Variants in CLEC19A observed in about 807,000 individuals in gnomAD.
The protein encoded by CLEC19A is C-type lectin domain containing 19A.
A neutral mutation model predicts 26.1 loss-of-function variants in CLEC19A; 21 were observed. That is an observed-to-expected ratio of 0.80 (90% CI 0.57 to 1.16). The LOEUF is 1.16. Ranked by LOEUF, CLEC19A falls within the 50% of genes most tolerant of loss-of-function variation. CLEC19A has a pLI of 0.00. For missense variants in CLEC19A, 224 were observed against 227.6 expected (o/e 0.98, Z 0.10); for synonymous variants, 89 against 88.6 (o/e 1.00, Z -0.03).
chr16:19,307,656 A>C lies in CLEC19A; in HGVS notation c.460A>C (p.Ile154Leu). 1 of 1,548,278 alleles carries C rather than the reference A, an allele frequency of 6.5e-7. No individual in the cohort carries two copies. The highest frequency in any genetic ancestry group is 8.7e-7 in the Non-Finnish European group (1 of 1,146,790). ...ADPEEEDCVQ[I>L]WYRPTSALRS... ...CCCAGAAGAAGAGGACTGCGTGCAG[A>C]TATGGTACAGGCCTACCAGTGGTGG... Residue 154 changes from isoleucine to leucine, a missense_variant, in exon 4 of 5, where the codon ATA becomes CTA. Transcript: ENST00000636231.
At position 19,309,017 on chromosome 16, in the gene CLEC19A, G is replaced by T; in HGVS notation, c.495G>T (p.Trp165Cys). 6.5e-7 allele frequency: 1 copy of T among 1,548,352 alleles called. No individual in the cohort carries two copies. The highest frequency in any genetic ancestry group is 2.4e-5 in the East Asian group (1 of 40,920). The change falls in exon 5 of 5, where the codon TGG becomes TGT. Residue 165 changes from tryptophan to cysteine, a missense_variant. By Grantham distance (215) the Trp-to-Cys change is radical. Transcript: ENST00000636231. ...TTTCCATCACAGCTCTGAGGTCATGGAATGATAACACCTGCAGCCGGAAGT... is the reference window on the plus strand; with the variant it reads ...TTTCCATCACAGCTCTGAGGTCATGTAATGATAACACCTGCAGCCGGAAGT... ...WYRPTSALRS[W>C]NDNTCSRKFP...
At chr16:19,289,740 G>T (rs1316155725) in intron 1 of CLEC19A, among the ~76,000 whole-genome samples, 3 of 152,208 alleles carry the variant, frequency 2.0e-5, no homozygotes, top group East Asian at 1.9e-4. Flanking sequence ...CTCAGGAGTG[G>T]CTCACAGAAG....
At chr16:19,292,001 G>C (rs1296974636) in intron 1 of CLEC19A, among the ~76,000 whole-genome samples, 1 of 152,204 alleles carries the variant, frequency 6.6e-6, no homozygotes, top group East Asian at 1.9e-4. Flanking sequence ...TCCACTCTGG[G>C]AGGAGCAGAC....
At chr16:19,298,106 C>A (rs180935649) in intron 1 of CLEC19A, among the ~76,000 whole-genome samples, 1 of 151,768 alleles carries the variant, frequency 6.6e-6, no homozygotes, top group Non-Finnish European at 1.5e-5. Flanking sequence ...CAAAATTAAC[C>A]GGGCACGTGC....
intron 2 of CLEC19A, among the ~76,000 whole-genome samples, chr16:19,300,684 G>T (rs1897801660): frequency 6.6e-6 from 1 of 152,192 alleles, no homozygotes; most frequent in African/African-American, 2.4e-5. Flanking sequence ...TATTGAGACA[G>T]TCAGGGTCCA....
At chr16:19,292,467 G>C (rs1223938210) in intron 1 of CLEC19A, among the ~76,000 whole-genome samples, 1 of 152,232 alleles carries the variant, frequency 6.6e-6, no homozygotes, top group Non-Finnish European at 1.5e-5. Context: ...AAAGGCATGA[G>C]TTATGCACAC....
chr16:19,286,699 G>C (rs1271743561), intron 1 of CLEC19A, among the ~76,000 whole-genome samples: 1 of 152,174 alleles, frequency 6.6e-6, no homozygotes, highest in Non-Finnish European at 1.5e-5. Context: ...ACCTCTACCA[G>C]GTTCTTTCCA....
At chr16:19,303,097 A>G (rs1226155658) in intron 2 of CLEC19A, among the ~76,000 whole-genome samples, 1 of 152,236 alleles carries the variant, frequency 6.6e-6, no homozygotes, top group Admixed American at 6.5e-5. Flanking sequence ...ATAGACAACC[A>G]GTAGTATCTG....
chr16:19,302,720 C>T (rs1422068707), intron 2 of CLEC19A, among the ~76,000 whole-genome samples: 1 of 152,190 alleles, frequency 6.6e-6, no homozygotes, highest in African/African-American at 2.4e-5. Flanking sequence ...TGTCACATCC[C>T]TTGCCCATTC....
chr16:19,297,297 C>T (rs1897724497), intron 1 of CLEC19A, among the ~76,000 whole-genome samples: 1 of 152,140 alleles, frequency 6.6e-6, no homozygotes, highest in South Asian at 2.1e-4. Context: ...CCAGATAGTC[C>T]AGCATTGCAA....
chr16:19,309,274 G>T lies in CLEC19A; in HGVS notation c.*191G>T. 5 of 499,780 alleles carry T rather than the reference G, an allele frequency of 1.0e-5. No individual in the cohort carries two copies. The highest frequency in any genetic ancestry group is 1.4e-5 in the Non-Finnish European group (4 of 284,910). 31.0% of individuals were successfully genotyped at this position (499,780 alleles called of 1,614,324 possible). A position where few individuals can be genotyped will look rare whatever the true frequency, so the allele number is the denominator to read the frequency against. On this transcript the variant is annotated 3_prime_UTR_variant, in exon 5 of 5. Transcript: ENST00000636231. ...AGTGTCAGGAAAGCCAGCTCAAATT[G>T]GCTTAATTTTTTAAAGTGTTTTTTT... is the stretch of plus-strand genomic sequence containing the variant.
chr16:19,292,920 A>C (rs113339989), intron 1 of CLEC19A, among the ~76,000 whole-genome samples: 7,035 of 152,290 alleles, frequency 0.046, 216 homozygotes, highest in Non-Finnish European at 0.072. Context: ...TTTCAGGGAA[A>C]TGAGGTCAGG....
chr16:19,288,143 G>T (rs904215907), intron 1 of CLEC19A, among the ~76,000 whole-genome samples: 3 of 152,186 alleles, frequency 2.0e-5, no homozygotes, highest in Non-Finnish European at 4.4e-5. Context: ...AGCCAACCAT[G>T]GTCATCACTG....
intron 2 of CLEC19A, 164 bp from the exon 3 acceptor site, chr16:19,303,898 A>T: frequency 1.7e-6 from 1 of 581,790 alleles, no homozygotes; most frequent in Non-Finnish European, 3.0e-6. Context: ...CCCATGTAGG[A>T]CCGGCCACAT....
chr16:19,289,065 G>C (rs192449856), intron 1 of CLEC19A, among the ~76,000 whole-genome samples: 67 of 152,272 alleles, frequency 4.4e-4, no homozygotes, highest in East Asian at 1.7e-3. Flanking sequence ...CCATTGTACA[G>C]ATTAGAAAAC....
At chr16:19,286,073 C>G in intron 1 of CLEC19A, 134 bp downstream of exon 1, 1 of 816,772 alleles carries the variant, frequency 1.2e-6, no homozygotes, top group Non-Finnish European at 2.0e-6. Flanking sequence ...AGCTTTCCCC[C>G]TACCAGCTTT....
intron 2 of CLEC19A, among the ~76,000 whole-genome samples, chr16:19,301,736 G>GTTTTTTTGTTTTT (rs1897829442): frequency 3.7e-5 from 3 of 81,496 alleles, no homozygotes; most frequent in Non-Finnish European, 6.9e-5. Context: ...GGTTTTTTTG[G>GTTTTTTTGTTTTT]TTTTTTTTTT....
rs907247727 is a variant in CLEC19A at position 19,303,091 on chromosome 16, A to G, written c.255-971A>G. 5.3e-5 allele frequency among the ~76,000 whole-genome samples: 8 copies of G among 152,344 alleles called. No individual in the cohort carries two copies. In the East Asian group the frequency reaches 1.5e-3, roughly 29 times the overall value. ...GGGATTAGGAATGGCTATGGGATAG[A>G]CAACCAGTAGTATCTGCCCCAGTGC... On this transcript the variant is annotated intron_variant, in intron 2 of 4. Coordinates refer to ENST00000636231, the MANE Select transcript of CLEC19A (RefSeq NM_001256720.2).
chr16:19,285,759 T>C lies in CLEC19A; in HGVS notation c.-93T>C. Reference sequence around the variant, plus strand: ...CTGTCCCAGCTCCTGCCAGGCTCCATCTGACCCTAGGAGAGCAATCCTGGA... The same window carrying C: ...CTGTCCCAGCTCCTGCCAGGCTCCACCTGACCCTAGGAGAGCAATCCTGGA... On this transcript the variant is annotated 5_prime_UTR_variant, in exon 1 of 5. Coordinates refer to ENST00000636231, the MANE Select transcript of CLEC19A (RefSeq NM_001256720.2). The C allele has an allele frequency of 1.8e-6, 2 of 1,095,630 alleles. No homozygotes were observed. Among genetic ancestry groups the C allele is most frequent in the Non-Finnish European group, 2.7e-6 (2 of 739,676 alleles). The allele number at this position is 1,095,630 out of a possible 1,614,324, so 67.9% of individuals were successfully genotyped here. A position where few individuals can be genotyped will look rare whatever the true frequency, so the allele number is the denominator to read the frequency against.
Sources: allele counts gnomAD v4.1 joint callset (sites outside exome capture counted in the v4.1 genomes callset), GRCh38; gene constraint gnomAD v4.1.1; transcripts MANE v1.5; gene names NCBI Gene and HGNC (gene_info 2026-07-23, HGNC 2026-07-21).